The following RAPGEF4 variants were observed in gnomAD, a reference collection of about 807,000 sequenced individuals.
RAPGEF4 encodes the protein RAP guanine-nucleotide-exchange factor (GEF) 4.
Under a neutral mutation model 147.9 loss-of-function variants are expected in RAPGEF4, and 66 were observed. The observed-to-expected ratio is 0.45, with a 90% CI of 0.37 to 0.55. The LOEUF is 0.55. Ranked by LOEUF, RAPGEF4 falls within the 20% of genes least tolerant of loss-of-function variation. The pLI is 0.00. For synonymous variants in RAPGEF4, 419 were observed against 442.7 expected (o/e 0.95, Z 0.67); for missense variants, 1,071 against 1,257.3 (o/e 0.85, Z 2.24).
chr2:173,010,154 G>C lies in RAPGEF4; in HGVS notation c.1659-4310G>C, dbSNP rs373281430. ...AAGGAAATGTAATCAAAGGGCTCTT[G>C]AAACAGAGATCCTGTGATTCCATGA... On this transcript the variant is annotated intron_variant, in intron 17 of 30. Transcript: ENST00000397081. Among the ~76,000 whole-genome samples, 16 of 152,298 alleles carry C rather than the reference G, an allele frequency of 1.1e-4. No homozygotes were observed. In the East Asian group the frequency reaches 1.7e-3, roughly 17 times the overall value.
At chr2:172,922,252 C>T (rs373258724) in intron 5 of RAPGEF4, 29 bp from the exon 6 acceptor site, 37 of 1,602,240 alleles carry the variant, frequency 2.3e-5, no homozygotes, top group Non-Finnish European at 2.9e-5. Flanking sequence ...CAATTCATGG[C>T]CTCTCTCTGT....
intron 17 of RAPGEF4, among the ~76,000 whole-genome samples, chr2:173,010,905 C>T (rs1694936161): frequency 6.6e-6 from 1 of 152,156 alleles, no homozygotes; most frequent in Admixed American, 6.5e-5. Flanking sequence ...AGTATCACCC[C>T]CACCCTCACT....
At chr2:172,819,989 T>G (rs1169009932) in intron 4 of RAPGEF4, among the ~76,000 whole-genome samples, 1 of 152,192 alleles carries the variant, frequency 6.6e-6, no homozygotes, top group African/African-American at 2.4e-5. Flanking sequence ...GTCCATGAAT[T>G]TCTGCTCAGC....
intron 1 of RAPGEF4, among the ~76,000 whole-genome samples, chr2:172,777,680 T>C (rs1281436865): frequency 6.6e-6 from 1 of 152,094 alleles, no homozygotes; most frequent in Non-Finnish European, 1.5e-5. Context: ...TGAATTCTGA[T>C]TGCTGCCTCC....
intron 8 of RAPGEF4, among the ~76,000 whole-genome samples, chr2:172,962,449 A>G (rs868289843): frequency 6.6e-6 from 1 of 152,190 alleles, no homozygotes; most frequent in Non-Finnish European, 1.5e-5. Flanking sequence ...TTGAGCATAA[A>G]TAAGTGCTCA....
chr2:172,749,204 C>A (rs996852305), intron 1 of RAPGEF4, among the ~76,000 whole-genome samples: 7 of 152,200 alleles, frequency 4.6e-5, no homozygotes, highest in Non-Finnish European at 8.8e-5. Flanking sequence ...TAGGCAGTGA[C>A]CCAGTAGCGA....
chr2:173,038,034 A>G (rs1248241552), intron 29 of RAPGEF4, among the ~76,000 whole-genome samples: 2 of 152,204 alleles, frequency 1.3e-5, no homozygotes, highest in Non-Finnish European at 2.9e-5. Flanking sequence ...GGTCAAGTGC[A>G]GCTATTGCTG....
At chr2:172,902,733 C>G (rs1699204102) in intron 4 of RAPGEF4, among the ~76,000 whole-genome samples, 1 of 152,106 alleles carries the variant, frequency 6.6e-6, no homozygotes, top group Non-Finnish European at 1.5e-5. Context: ...AAAGTATGGG[C>G]CTGGGTGAGA....
chr2:172,996,332 G>C (rs1693359099), intron 15 of RAPGEF4, 134 bp from the exon 16 acceptor site: 2 of 484,800 alleles, frequency 4.1e-6, no homozygotes, highest in Non-Finnish European at 7.2e-6. Flanking sequence ...AAAGTGTGTG[G>C]TCTCTCTTAC....
chr2:172,794,042 C>A (rs1686098618), intron 1 of RAPGEF4, among the ~76,000 whole-genome samples: 1 of 151,996 alleles, frequency 6.6e-6, no homozygotes, highest in Non-Finnish European at 1.5e-5. Context: ...GTGGCAGGAT[C>A]ACTTAAGCCC....
chr2:173,041,649 ATAAAAC>A (rs1684771982), intron 29 of RAPGEF4, among the ~76,000 whole-genome samples: 3 of 152,248 alleles, frequency 2.0e-5, no homozygotes, highest in Admixed American at 2.0e-4. Context: ...TCAATGGAAA[ATAAAAC>A]CACATTATAT....
chr2:173,026,459 C>A, intron 23 of RAPGEF4, 113 bp from the exon 24 acceptor site: 1 of 1,168,360 alleles, frequency 8.6e-7, no homozygotes. Flanking sequence ...TCCAGATATT[C>A]CTGAAAGCGT....
At chr2:172,854,831 A>G (rs949086147) in intron 4 of RAPGEF4, among the ~76,000 whole-genome samples, 1 of 152,220 alleles carries the variant, frequency 6.6e-6, no homozygotes, top group Non-Finnish European at 1.5e-5. Flanking sequence ...TGAAAGGGGC[A>G]GAAGGAATGA....
At chr2:172,776,806 T>C (rs1684216800) in intron 1 of RAPGEF4, among the ~76,000 whole-genome samples, 1 of 152,202 alleles carries the variant, frequency 6.6e-6, no homozygotes, top group South Asian at 2.1e-4. Context: ...TTTACTTCAC[T>C]ACTGATATTC....
chr2:172,764,863 C>A (rs1263246551), intron 1 of RAPGEF4, among the ~76,000 whole-genome samples: 2 of 152,188 alleles, frequency 1.3e-5, no homozygotes, highest in African/African-American at 4.8e-5. Context: ...TTGGAGCCAG[C>A]ACTGAACATG....
At position 173,052,223 on chromosome 2, in the gene RAPGEF4, A is replaced by C. The variant is rs1686317274; in HGVS notation, c.*456A>C. The C allele has an allele frequency of 6.5e-6, 1 of 154,012 alleles. No individual in the cohort carries two copies. The highest frequency in any genetic ancestry group is 2.0e-4 in the South Asian group (1 of 4,916). 9.5% of individuals were successfully genotyped at this position (154,012 alleles called of 1,614,324 possible). On this transcript the variant is annotated 3_prime_UTR_variant, in exon 31 of 31. Transcript: ENST00000397081. ...CTGGGGTTTCGGGAAGGTGTTGAGG[A>C]ATCTATAGAAGTCCAAATTATAGGT...
intron 26 of RAPGEF4, among the ~76,000 whole-genome samples, chr2:173,033,004 A>G (rs1271942562): frequency 6.6e-6 from 1 of 152,218 alleles, no homozygotes; most frequent in Non-Finnish European, 1.5e-5. Flanking sequence ...GAGAGAAGTG[A>G]AAGGTTCAGC....
intron 1 of RAPGEF4, among the ~76,000 whole-genome samples, chr2:172,742,151 G>C (rs1039227897): frequency 6.6e-6 from 1 of 152,108 alleles, no homozygotes; most frequent in African/African-American, 2.4e-5. Context: ...TTTTTATAAA[G>C]AAAACAATAC....
intron 18 of RAPGEF4, among the ~76,000 whole-genome samples, chr2:173,015,959 C>T (rs147938711): frequency 1.4e-3 from 207 of 152,218 alleles, no homozygotes; most frequent in African/African-American, 4.6e-3. Context: ...CAAAATGACC[C>T]ATTTCAAAAC....
Sources: gnomAD v4.1 joint callset for allele counts (sites outside exome capture counted in the v4.1 genomes callset) on GRCh38, gnomAD v4.1.1 for gene constraint, MANE v1.5 for transcripts, NCBI Gene and HGNC (gene_info 2026-07-23, HGNC 2026-07-21) for gene names.